The following FANCC variants were observed in gnomAD, a reference collection of about 807,000 sequenced individuals.
The protein encoded by FANCC is Fanconi anemia group C protein.
In FANCC, 55 loss-of-function variants were observed where a neutral mutation model predicts 71.3. The observed-to-expected ratio is 0.77, with a 90% CI of 0.62 to 0.97. FANCC has a LOEUF of 0.97. FANCC is among the 50% of genes least tolerant of loss of function. FANCC has a pLI of 0.00. For synonymous variants in FANCC, 275 were observed against 244.9 expected, an observed-to-expected ratio of 1.12 and a Z score of -1.15; for missense variants, 678 against 670.9, an observed-to-expected ratio of 1.01 and a Z score of -0.12.
intron 14 of FANCC, among the ~76,000 whole-genome samples, chr9:95,103,826 A>G (rs1042520708): frequency 2.0e-5 from 3 of 152,246 alleles, no homozygotes; most frequent in African/African-American, 7.2e-5. Flanking sequence ...ATGGGGCTGC[A>G]GGACCAGTGC....
chr9:95,309,989 T>A (rs1175112226), intron 1 of FANCC, among the ~76,000 whole-genome samples: 1 of 152,138 alleles, frequency 6.6e-6, no homozygotes, highest in Non-Finnish European at 1.5e-5. Flanking sequence ...TAGCTGCAAG[T>A]GAACTGGGAA....
chr9:95,104,288 G>A (rs2071275379), intron 14 of FANCC, among the ~76,000 whole-genome samples: 1 of 152,242 alleles, frequency 6.6e-6, no homozygotes. Flanking sequence ...CCCAGGAGGT[G>A]CTTTCACCAC....
At chr9:95,163,209 A>T (rs1178406153) in intron 6 of FANCC, among the ~76,000 whole-genome samples, 1 of 152,318 alleles carries the variant, frequency 6.6e-6, no homozygotes, top group South Asian at 2.1e-4. Flanking sequence ...CCAATCTTAT[A>T]GACAGGATAC....
chr9:95,109,968 G>A (rs1163393788), intron 13 of FANCC, among the ~76,000 whole-genome samples: 2 of 152,132 alleles, frequency 1.3e-5, no homozygotes, highest in Non-Finnish European at 1.5e-5. Flanking sequence ...CAATGCCTCA[G>A]GCAGGCACCA....
At chr9:95,292,324 G>A (rs1170769590) in intron 1 of FANCC, 1 of 694,834 alleles carries the variant, frequency 1.4e-6, no homozygotes, top group African/African-American at 1.9e-5. Context: ...GGGCCTGGCC[G>A]CCCTGCGGGA....
chr9:95,120,228 T>C (rs1469903899), intron 10 of FANCC, among the ~76,000 whole-genome samples: 2 of 152,210 alleles, frequency 1.3e-5, no homozygotes, highest in East Asian at 3.8e-4. Flanking sequence ...TTTTTCTACA[T>C]ATGGACATCC....
At chr9:95,194,806 C>G (rs921687692) in intron 4 of FANCC, among the ~76,000 whole-genome samples, 4 of 152,134 alleles carry the variant, frequency 2.6e-5, no homozygotes, top group African/African-American at 7.2e-5. Flanking sequence ...TTGTCCTTCA[C>G]GTGGGCTTTC....
chr9:95,202,233 G>A (rs1005948256), intron 4 of FANCC, among the ~76,000 whole-genome samples: 1 of 152,272 alleles, frequency 6.6e-6, no homozygotes, highest in Non-Finnish European at 1.5e-5. Flanking sequence ...TGGCTGGGAA[G>A]AGAACTGGGG....
At chr9:95,312,062 C>T (rs1389492035) in intron 1 of FANCC, among the ~76,000 whole-genome samples, 1 of 152,296 alleles carries the variant, frequency 6.6e-6, no homozygotes, top group Non-Finnish European at 1.5e-5. Flanking sequence ...AATCTCTGAC[C>T]CCACTTTCCA....
In FANCC at chr9:95,100,424, T is replaced by C; in HGVS notation, c.*1283A>G. The C allele has an allele frequency of 4.3e-6, 1 of 231,324 alleles. No individual in the cohort carries two copies. Among genetic ancestry groups the C allele is most frequent in the Non-Finnish European group, 8.6e-6 (1 of 116,832 alleles). 14.3% of individuals were successfully genotyped at this position (231,324 alleles called of 1,614,324 possible). On this transcript the variant is annotated 3_prime_UTR_variant, in exon 15 of 15. Transcript: ENST00000289081. ...AGGAATTTCCCTAAAGGTTAACTTC[T>C]AATCCAGCAAAACTTTGCTCATACC...
intron 1 of FANCC, among the ~76,000 whole-genome samples, chr9:95,287,775 C>A (rs1833772537): frequency 6.6e-6 from 1 of 152,208 alleles, no homozygotes; most frequent in Non-Finnish European, 1.5e-5. Context: ...AGAAAATTCT[C>A]TTTCTTGTGT....
chr9:95,201,988 C>T (rs991319210), intron 4 of FANCC, among the ~76,000 whole-genome samples: 31 of 152,288 alleles, frequency 2.0e-4, no homozygotes, highest in African/African-American at 7.2e-4. Flanking sequence ...AGCTTTAACC[C>T]ATTTAATGTA....
intron 4 of FANCC, among the ~76,000 whole-genome samples, chr9:95,231,518 C>T (rs1036071469): frequency 1.7e-4 from 26 of 152,102 alleles, no homozygotes; most frequent in African/African-American, 6.3e-4. Flanking sequence ...TCTGGTCTAG[C>T]GAGAGCCCCT....
In FANCC at chr9:95,294,623, G is replaced by A. The variant is rs1387137964; in HGVS notation, c.-79+22903C>T. On this transcript the variant is annotated intron_variant, in intron 1 of 14. Transcript: ENST00000289081. ...CTAGAAAGCAAAGTTCAGTTGAACA[G>A]TATAGAAACACAGACCATGAGTTCT... The A allele has an allele frequency of 8.3e-6, 13 of 1,574,366 alleles. No individual in the cohort carries two copies. The Admixed American group carries it at 2.2e-4, about 26-fold the overall frequency.
At chr9:95,218,390 A>G (rs1196812320) in intron 4 of FANCC, among the ~76,000 whole-genome samples, 2 of 152,178 alleles carry the variant, frequency 1.3e-5, no homozygotes, top group Non-Finnish European at 2.9e-5. Flanking sequence ...GCTTGAGCCC[A>G]GGAGGTCAAG....
intron 3 of FANCC, among the ~76,000 whole-genome samples, chr9:95,243,049 T>C (rs1398727446): frequency 1.3e-5 from 2 of 152,250 alleles, no homozygotes; most frequent in South Asian, 2.1e-4. Flanking sequence ...TTTTGATATC[T>C]GGAATTGAAA....
chr9:95,193,499 G>A (rs1004500393), intron 4 of FANCC, among the ~76,000 whole-genome samples: 1 of 152,182 alleles, frequency 6.6e-6, no homozygotes, highest in Non-Finnish European at 1.5e-5. Flanking sequence ...GTTTTCAAAA[G>A]TATTAAATTT....
intron 7 of FANCC, among the ~76,000 whole-genome samples, chr9:95,138,003 T>C (rs928186003): frequency 1.1e-4 from 17 of 152,238 alleles, no homozygotes; most frequent in East Asian, 5.8e-4. Context: ...TGGGGCCTAG[T>C]GTGCTCCTGA....
At chr9:95,116,924 A>G (rs1309791772) in intron 11 of FANCC, among the ~76,000 whole-genome samples, 3 of 152,202 alleles carry the variant, frequency 2.0e-5, no homozygotes, top group East Asian at 1.9e-4. Context: ...TTCTTCTGCA[A>G]CAAGGCTGCA....
Sources: allele counts gnomAD v4.1 joint callset (sites outside exome capture counted in the v4.1 genomes callset), GRCh38; gene constraint gnomAD v4.1.1; transcripts MANE v1.5; gene names NCBI Gene and HGNC (gene_info 2026-07-23, HGNC 2026-07-21).